Variants in SLC35F3 observed in about 807,000 individuals in gnomAD.
SLC35F3 encodes the protein solute carrier family 35 member F3.
A neutral mutation model predicts 49.9 loss-of-function variants in SLC35F3; 25 were observed. The observed-to-expected ratio is 0.50, with a 90% CI of 0.37 to 0.70. The LOEUF (loss-of-function observed/expected upper bound fraction) is 0.70, where lower values mean the gene tolerates loss of function less well. Ranked by LOEUF, SLC35F3 falls within the 30% of genes least tolerant of loss-of-function variation. The pLI is 0.00. For missense variants in SLC35F3, 525 were observed against 639.8 expected, an observed-to-expected ratio of 0.82 and a Z score of 1.94; for synonymous variants, 275 against 265.4, an observed-to-expected ratio of 1.04 and a Z score of -0.35.
chr1:234,067,471 A>G (rs919195743), intron 2 of SLC35F3, among the ~76,000 whole-genome samples: 3 of 152,140 alleles, frequency 2.0e-5, no homozygotes, highest in Non-Finnish European at 4.4e-5. Flanking sequence ...TCCTCTCCTT[A>G]TGTCCGCATC....
At chr1:234,144,198 C>T (rs977488106) in intron 2 of SLC35F3, among the ~76,000 whole-genome samples, 1 of 152,202 alleles carries the variant, frequency 6.6e-6, no homozygotes, top group African/African-American at 2.4e-5. Context: ...CCCAGTGCTT[C>T]TCAGTTCTAA....
intron 3 of SLC35F3, among the ~76,000 whole-genome samples, chr1:234,277,709 A>G (rs956635611): frequency 2.1e-4 from 32 of 152,214 alleles, no homozygotes; most frequent in Admixed American, 2.0e-3. Flanking sequence ...TTCTCTCATC[A>G]TAACCAAGTA....
At chr1:234,105,125 TAAAA>T (rs4027096) in intron 2 of SLC35F3, among the ~76,000 whole-genome samples, 1 of 130,430 alleles carries the variant, frequency 7.7e-6, no homozygotes. Context: ...GAGACTCCGT[TAAAA>T]AAAAAAAAAA....
chr1:234,274,255 C>CA (rs1351439074), intron 3 of SLC35F3: 1 of 152,230 alleles, frequency 6.6e-6, no homozygotes, highest in African/African-American at 2.4e-5. Flanking sequence ...ACACGCTGCA[C>CA]AGTCTGTGTA....
At chr1:234,004,333 T>C (rs1299169315) in intron 2 of SLC35F3, among the ~76,000 whole-genome samples, 3 of 152,166 alleles carry the variant, frequency 2.0e-5, no homozygotes, top group Non-Finnish European at 4.4e-5. Flanking sequence ...CATTTCAAAA[T>C]GGATATATCT....
chr1:234,058,164 T>G (rs768486431), intron 2 of SLC35F3, among the ~76,000 whole-genome samples: 5 of 151,960 alleles, frequency 3.3e-5, no homozygotes, highest in Non-Finnish European at 5.9e-5. Flanking sequence ...GTGTCACATA[T>G]TGTCAATTTT....
chr1:234,232,537 A>AAAAAG (rs1667401218), intron 3 of SLC35F3, among the ~76,000 whole-genome samples: 2 of 149,114 alleles, frequency 1.3e-5, no homozygotes, highest in East Asian at 1.9e-4. Context: ...AAAAAAAAAA[A>AAAAAG]AAAGAAAAAG....
At chr1:234,166,076 C>T (rs116633843) in intron 2 of SLC35F3, among the ~76,000 whole-genome samples, 4,901 of 152,186 alleles carry the variant, frequency 0.032, 272 homozygotes, top group African/African-American at 0.11. Context: ...TATATATAAC[C>T]GCATTTTCTT....
At chr1:233,939,614 A>T (rs1368918038) in intron 2 of SLC35F3, among the ~76,000 whole-genome samples, 1 of 152,198 alleles carries the variant, frequency 6.6e-6, no homozygotes, top group African/African-American at 2.4e-5. Flanking sequence ...TCTTTACATG[A>T]TTATGAACGG....
At chr1:234,175,869 C>T (rs911874264) in intron 2 of SLC35F3, among the ~76,000 whole-genome samples, 1 of 152,116 alleles carries the variant, frequency 6.6e-6, no homozygotes, top group Non-Finnish European at 1.5e-5. Context: ...GAGGCAGGTC[C>T]ACCATCCGCA....
At chr1:234,177,317 T>C (rs1666490909) in intron 2 of SLC35F3, among the ~76,000 whole-genome samples, 1 of 152,182 alleles carries the variant, frequency 6.6e-6, no homozygotes, top group African/African-American at 2.4e-5. Context: ...AGGTATGTCT[T>C]TATCAGCAGC....
chr1:234,251,295 C>T (rs1667734181), intron 3 of SLC35F3, among the ~76,000 whole-genome samples: 1 of 151,996 alleles, frequency 6.6e-6, no homozygotes, highest in Non-Finnish European at 1.5e-5. Context: ...GGGAAAGTAA[C>T]CATGGCATCC....
intron 2 of SLC35F3, among the ~76,000 whole-genome samples, chr1:233,974,987 G>A (rs976296783): frequency 1.4e-4 from 21 of 152,256 alleles, no homozygotes; most frequent in Non-Finnish European, 1.8e-4. Context: ...GATAAGCTAT[G>A]TAGTTCAGGG....
At chr1:234,207,405 C>CTCT (rs1666987272) in intron 2 of SLC35F3, among the ~76,000 whole-genome samples, 1 of 27,550 alleles carries the variant, frequency 3.6e-5, no homozygotes, top group Admixed American at 3.6e-4. Context: ...CTTCCTCCCT[C>CTCT]CCTCCTTCCT....
At chr1:234,301,663 A>G (rs1254453046) in intron 3 of SLC35F3, among the ~76,000 whole-genome samples, 1 of 152,246 alleles carries the variant, frequency 6.6e-6, no homozygotes, top group African/African-American at 2.4e-5. Context: ...CAGAAATACT[A>G]TTTGACCCAG....
intron 2 of SLC35F3, among the ~76,000 whole-genome samples, chr1:234,190,252 C>T (rs1046212632): frequency 6.6e-6 from 1 of 152,166 alleles, no homozygotes; most frequent in Non-Finnish European, 1.5e-5. Flanking sequence ...GGTCTAAATG[C>T]TCTGCTTAAA....
chr1:234,188,967 C>T (rs986752536), intron 2 of SLC35F3, among the ~76,000 whole-genome samples: 7 of 152,022 alleles, frequency 4.6e-5, no homozygotes, highest in African/African-American at 9.7e-5. Context: ...TACTACCGTT[C>T]GGCTCTCAGG....
chr1:234,284,620 T>A (rs939840553), intron 3 of SLC35F3, among the ~76,000 whole-genome samples: 1 of 152,192 alleles, frequency 6.6e-6, no homozygotes, highest in African/African-American at 2.4e-5. Flanking sequence ...ATCGTGCCTC[T>A]TGTGTCAAAG....
chr1:234,189,751 C>G (rs1349580084), intron 2 of SLC35F3, among the ~76,000 whole-genome samples: 2 of 152,142 alleles, frequency 1.3e-5, no homozygotes, highest in African/African-American at 4.8e-5. Flanking sequence ...AAGATCCTCA[C>G]CTAGGCACAT....
Sources: allele counts gnomAD v4.1 joint callset (sites outside exome capture counted in the v4.1 genomes callset), GRCh38; gene constraint gnomAD v4.1.1; transcripts MANE v1.5; gene names NCBI Gene and HGNC (gene_info 2026-07-23, HGNC 2026-07-21).